IL1RAPL1: variants seen among roughly 807,000 people sequenced by gnomAD.
IL1RAPL1 encodes the protein interleukin-1 receptor accessory protein-like 1.
A neutral mutation model predicts 48.4 loss-of-function variants in IL1RAPL1; 3 were observed. The observed-to-expected ratio is 0.06, with a 90% CI of 0.03 to 0.16. The LOEUF is 0.16. IL1RAPL1 is among the 10% of genes least tolerant of loss of function. The pLI, the probability that IL1RAPL1 is intolerant of heterozygous loss-of-function variation, is 1.00. For missense variants in IL1RAPL1, 349 were observed against 530.6 expected, an observed-to-expected ratio of 0.66 and a Z score of 3.36; for synonymous variants, 185 against 187.7, an observed-to-expected ratio of 0.99 and a Z score of 0.12.
intron 6 of IL1RAPL1, among the ~76,000 whole-genome samples, chrX:29,719,985 A>T (rs986698685): frequency 2.7e-5 from 3 of 111,575 alleles, no homozygotes; most frequent in South Asian, 7.5e-4. Context: ...TTAACCCCCA[A>T]ACAACTTAAA....
intron 2 of IL1RAPL1, among the ~76,000 whole-genome samples, chrX:29,196,252 T>C (rs1336661958): frequency 1.8e-5 from 2 of 112,357 alleles, no homozygotes; most frequent in Non-Finnish European, 1.9e-5. Flanking sequence ...GTGAGCTACC[T>C]AGAGAATGTT....
In IL1RAPL1 at chrX:28,983,712, T is replaced by C. The variant is rs1450584375; in HGVS notation, c.82+194287T>C. ...ATACAAGTATTCATTATTTTCTTAG[T>C]ATTTATCTTATCCACTGAGTAGCTT... On this transcript the variant is annotated intron_variant, in intron 2 of 10. Transcript: ENST00000378993. 1.2e-4 allele frequency among the ~76,000 whole-genome samples: 13 copies of C among 112,025 alleles called. No individual in the cohort carries two copies. In the Admixed American group the frequency reaches 1.2e-3, roughly 11 times the overall value.
intron 2 of IL1RAPL1, among the ~76,000 whole-genome samples, chrX:28,863,909 T>G (rs1922014870): frequency 8.9e-6 from 1 of 112,056 alleles, no homozygotes; most frequent in African/African-American, 3.2e-5. Context: ...TACATTGGTT[T>G]ACTGTTTATA....
At chrX:29,930,392 T>C (rs1882065417) in intron 8 of IL1RAPL1, among the ~76,000 whole-genome samples, 1 of 112,045 alleles carries the variant, frequency 8.9e-6, no homozygotes, top group Non-Finnish European at 1.9e-5. Flanking sequence ...CAAATTCCAT[T>C]CCAAACTGTC....
At chrX:28,812,703 C>T (rs188366673) in intron 2 of IL1RAPL1, among the ~76,000 whole-genome samples, 116 of 110,853 alleles carry the variant, frequency 1.0e-3, no homozygotes, top group African/African-American at 3.1e-3. Flanking sequence ...TAAGTTAGAA[C>T]GTGACATATT....
intron 5 of IL1RAPL1, among the ~76,000 whole-genome samples, chrX:29,478,891 TCA>T (rs200900905): frequency 9.0e-6 from 1 of 110,991 alleles, no homozygotes; most frequent in Non-Finnish European, 1.9e-5. Flanking sequence ...CATCCTGTCC[TCA>T]CACCCTTCAC....
intron 8 of IL1RAPL1, among the ~76,000 whole-genome samples, chrX:29,922,649 A>G (rs951699042): frequency 5.4e-5 from 6 of 112,037 alleles, no homozygotes; most frequent in Non-Finnish European, 5.6e-5. Flanking sequence ...CCTGAACTTT[A>G]CCAGCCCTGC....
At chrX:29,873,006 C>T (rs1931829126) in intron 6 of IL1RAPL1, among the ~76,000 whole-genome samples, 1 of 111,927 alleles carries the variant, frequency 8.9e-6, no homozygotes, top group African/African-American at 3.2e-5. Flanking sequence ...GCCCTTTGGT[C>T]ACAGCCCACA....
At chrX:28,756,378 A>T (rs892991174) in intron 1 of IL1RAPL1, among the ~76,000 whole-genome samples, 1 of 111,606 alleles carries the variant, frequency 9.0e-6, no homozygotes, top group Admixed American at 9.5e-5. Context: ...CCAGACTGAA[A>T]CCACATTTCC....
At chrX:29,480,304 A>ATATATATATG (rs1320404083) in intron 5 of IL1RAPL1, among the ~76,000 whole-genome samples, 1 of 99,798 alleles carries the variant, frequency 1.0e-5, no homozygotes, top group African/African-American at 3.8e-5. Context: ...ATATATATAT[A>ATATATATATG]TATATATATA....
chrX:29,807,343 G>T (rs1439817531), intron 6 of IL1RAPL1, among the ~76,000 whole-genome samples: 1 of 109,991 alleles, frequency 9.1e-6, no homozygotes, highest in Non-Finnish European at 1.9e-5. Context: ...CACTGGGCAT[G>T]GTGGCTCACG....
intron 5 of IL1RAPL1, among the ~76,000 whole-genome samples, chrX:29,646,397 G>A (rs887302319): frequency 5.4e-5 from 6 of 110,814 alleles, no homozygotes; most frequent in South Asian, 3.8e-4. Context: ...GAAAATATAC[G>A]GTAAGATGAG....
At position 29,192,989 on chromosome X, in the gene IL1RAPL1, G is replaced by GTAT. The variant is rs1021857411; in HGVS notation, c.83-89935_83-89933dup. 4.5e-5 allele frequency among the ~76,000 whole-genome samples: 5 copies of GTAT among 110,402 alleles called. No homozygotes were observed. In the Admixed American group the frequency reaches 4.9e-4, roughly 11 times the overall value. ...CAGTTTAGATATTAGCCAAAGAATAGTATTATTATTATTATTGGTTGAGTG... is the reference window on the plus strand; with the variant it reads ...CAGTTTAGATATTAGCCAAAGAATAGTATTATTATTATTATTATTGGTTGAGTG... On this transcript the variant is annotated intron_variant, in intron 2 of 10. Transcript: ENST00000378993.
chrX:29,285,424 C>T (rs1026042232), intron 3 of IL1RAPL1, among the ~76,000 whole-genome samples: 1 of 101,147 alleles, frequency 9.9e-6, no homozygotes, highest in African/African-American at 3.7e-5. Context: ...CCCAGCTACT[C>T]GGGAGGCTGA....
At chrX:29,350,126 T>G (rs1933203244) in intron 3 of IL1RAPL1, among the ~76,000 whole-genome samples, 1 of 98,466 alleles carries the variant, frequency 1.0e-5, no homozygotes, top group African/African-American at 4.0e-5. Context: ...CATATCACTG[T>G]CTTTGGTCTA....
At chrX:29,129,599 T>TTTTTC (rs1928976797) in intron 2 of IL1RAPL1, among the ~76,000 whole-genome samples, 1 of 82,069 alleles carries the variant, frequency 1.2e-5, no homozygotes, top group Non-Finnish European at 2.4e-5. Flanking sequence ...TTTTTTTTTT[T>TTTTTC]TTTTTTTTTT....
intron 3 of IL1RAPL1, among the ~76,000 whole-genome samples, chrX:29,359,556 T>C (rs1933349650): frequency 8.9e-6 from 1 of 111,850 alleles, no homozygotes; most frequent in South Asian, 3.7e-4. Flanking sequence ...TCCTCTGAAA[T>C]GTGTTATTTA....
intron 5 of IL1RAPL1, among the ~76,000 whole-genome samples, chrX:29,419,968 T>C (rs761053707): frequency 8.9e-6 from 1 of 111,979 alleles, no homozygotes; most frequent in Non-Finnish European, 1.9e-5. Flanking sequence ...TGACTAGTTC[T>C]TATCAATGAG....
chrX:29,926,061 T>C (rs1411150824), intron 8 of IL1RAPL1, among the ~76,000 whole-genome samples: 1 of 109,058 alleles, frequency 9.2e-6, no homozygotes, highest in African/African-American at 3.4e-5. Context: ...CAGGCTGGAG[T>C]GCAGTGGTGT....
Sources: gnomAD v4.1 joint callset for allele counts (sites outside exome capture counted in the v4.1 genomes callset) on GRCh38, gnomAD v4.1.1 for gene constraint, MANE v1.5 for transcripts, NCBI Gene and HGNC (gene_info 2026-07-23, HGNC 2026-07-21) for gene names.